SHLD1: variants seen among roughly 807,000 people sequenced by gnomAD.
SHLD1 encodes the protein RINN1-REV7-interacting novel NHEJ regulator 3.
Under a neutral mutation model 5.5 loss-of-function variants are expected in SHLD1, and 3 were observed. The ratio of observed to expected loss-of-function variants is 0.54; its 90% confidence interval spans 0.25 to 1.40. The LOEUF is 1.40. Ranked by LOEUF, SHLD1 falls within the 40% of genes most tolerant of loss-of-function variation. SHLD1 has a pLI of 0.15. For missense variants in SHLD1, 210 were observed against 244.4 expected (o/e 0.86, Z 0.94); for synonymous variants, 92 against 94.3 (o/e 0.98, Z 0.14).
intron 2 of SHLD1, among the ~76,000 whole-genome samples, chr20:5,786,619 T>C (rs6053689): frequency 0.92 from 140,288 of 151,978 alleles, 64,862 homozygotes; most frequent in East Asian, 1. Flanking sequence ...TCTGACCTAC[T>C]TTGTTTGACT....
At chr20:5,761,479 G>A (rs924166740) in intron 1 of SHLD1, among the ~76,000 whole-genome samples, 3 of 151,778 alleles carry the variant, frequency 2.0e-5, no homozygotes, top group Admixed American at 2.0e-4. Flanking sequence ...AAACAGAGGA[G>A]CAAGTGAACT....
intron 2 of SHLD1, among the ~76,000 whole-genome samples, chr20:5,850,240 C>G (rs890790353): frequency 6.6e-5 from 10 of 151,482 alleles, no homozygotes; most frequent in African/African-American, 2.4e-4. Flanking sequence ...TAAGAGCACA[C>G]GTTTATGGAA....
intron 2 of SHLD1, among the ~76,000 whole-genome samples, chr20:5,841,017 A>G (rs2087851717): frequency 6.6e-6 from 1 of 152,106 alleles, no homozygotes; most frequent in Admixed American, 6.5e-5. Context: ...TCATTCATTC[A>G]TTTATTCATT....
intron 1 of SHLD1, among the ~76,000 whole-genome samples, chr20:5,767,934 CAG>C (rs1367763740): frequency 3.3e-5 from 5 of 151,126 alleles, no homozygotes; most frequent in Non-Finnish European, 5.9e-5. Flanking sequence ...GCTGAGACCA[CAG>C]AGTTTGTCCT....
intron 1 of SHLD1, chr20:5,771,754 T>C (rs927450563): frequency 1.6e-5 from 3 of 190,692 alleles, no homozygotes; most frequent in African/African-American, 7.2e-5. Context: ...AACATGAATT[T>C]CTTTTTCCTT....
chr20:5,844,029 G>C (rs2087897529), intron 2 of SHLD1, among the ~76,000 whole-genome samples: 1 of 152,122 alleles, frequency 6.6e-6, no homozygotes, highest in South Asian at 2.1e-4. Flanking sequence ...CTTTTTTCCA[G>C]TTTCTTTGAG....
intron 2 of SHLD1, among the ~76,000 whole-genome samples, chr20:5,825,733 C>T (rs149616166): frequency 1.5e-3 from 228 of 152,302 alleles, no homozygotes; most frequent in African/African-American, 5.1e-3. Context: ...AGAGCAGAAC[C>T]CTGTCTCTAA....
At chr20:5,755,499 T>C (rs1041345147) in intron 1 of SHLD1, among the ~76,000 whole-genome samples, 1 of 152,142 alleles carries the variant, frequency 6.6e-6, no homozygotes. Context: ...TCCATGAAAC[T>C]GGTCCCTGGT....
intron 2 of SHLD1, among the ~76,000 whole-genome samples, chr20:5,853,177 T>C (rs2088033895): frequency 6.6e-6 from 1 of 152,162 alleles, no homozygotes; most frequent in Non-Finnish European, 1.5e-5. Flanking sequence ...ACAAAAATCC[T>C]TGAGTGGGAG....
chr20:5,859,322 C>T (rs1164504492), intron 2 of SHLD1, among the ~76,000 whole-genome samples: 3 of 152,140 alleles, frequency 2.0e-5, no homozygotes, highest in African/African-American at 7.2e-5. Flanking sequence ...GGGAGATGGA[C>T]CATTCTTTGT....
chr20:5,817,432 CTGTG>C (rs1190340129), intron 2 of SHLD1, among the ~76,000 whole-genome samples: 1,412 of 85,328 alleles, frequency 0.017, 22 homozygotes, highest in African/African-American at 0.041. Flanking sequence ...CTCTCTCTCT[CTGTG>C]TGTGTGTGTG....
chr20:5,781,039 G>A (rs1053158087), intron 2 of SHLD1, among the ~76,000 whole-genome samples: 4 of 152,184 alleles, frequency 2.6e-5, no homozygotes, highest in African/African-American at 9.7e-5. Flanking sequence ...ATTCCAGTAT[G>A]AGTATGTAAA....
intron 2 of SHLD1, among the ~76,000 whole-genome samples, chr20:5,786,375 G>A (rs535247275): frequency 2.6e-5 from 4 of 152,242 alleles, no homozygotes; most frequent in African/African-American, 7.2e-5. Context: ...CCAGGAGTTC[G>A]AGACCAGCCT....
chr20:5,789,642 A>G (rs1005456564), intron 2 of SHLD1, among the ~76,000 whole-genome samples: 1 of 152,084 alleles, frequency 6.6e-6, no homozygotes, highest in Non-Finnish European at 1.5e-5. Flanking sequence ...TTGTAATCTA[A>G]TAAGATGGCA....
At chr20:5,772,314 A>T (rs1454484893) in intron 1 of SHLD1, 1 of 361,032 alleles carries the variant, frequency 2.8e-6, no homozygotes, top group Non-Finnish European at 5.6e-6. Flanking sequence ...CTGTGATACC[A>T]CAACAGTCCA....
intron 2 of SHLD1, among the ~76,000 whole-genome samples, chr20:5,778,612 A>T (rs1163901244): frequency 2.0e-5 from 3 of 151,838 alleles, no homozygotes; most frequent in Non-Finnish European, 4.4e-5. Context: ...GTCAAAAAAA[A>T]AAAAAAAAAT....
rs372075211 is a variant in SHLD1 at position 5,763,969 on chromosome 20, AT to A, written c.-4-8892del. Among the ~76,000 whole-genome samples the A allele has an allele frequency of 1.1e-3, 147 of 137,064 alleles. 8 individuals are homozygous for A. The highest frequency in any genetic ancestry group is 3.6e-3 in the Middle Eastern group (1 of 278). The allele number at this position is 137,064 out of a possible 152,430, so 89.9% of individuals were successfully genotyped here. A position where few individuals can be genotyped will look rare whatever the true frequency, so the allele number is the denominator to read the frequency against. On this transcript the variant is annotated intron_variant, in intron 1 of 2. Coordinates refer to ENST00000303142, the MANE Select transcript of SHLD1 (RefSeq NM_152504.4). ...ACTAAAAAAAAAAAAAAAAAAAAAA[AT>A]AGAAAAATCAGCTGGGCATGGTGAC...
At chr20:5,817,064 A>G (rs6139844) in intron 2 of SHLD1, among the ~76,000 whole-genome samples, 23,623 of 152,148 alleles carry the variant, frequency 0.16, 2,108 homozygotes, top group East Asian at 0.3. Context: ...GTGAGACCCT[A>G]TCTCAATAAA....
At chr20:5,761,698 C>A (rs1220645535) in intron 1 of SHLD1, among the ~76,000 whole-genome samples, 1 of 149,668 alleles carries the variant, frequency 6.7e-6, no homozygotes, top group Non-Finnish European at 1.5e-5. Flanking sequence ...ACCTCCGCTT[C>A]CCAGGTTCAA....
Sources: gnomAD v4.1 joint callset for allele counts (sites outside exome capture counted in the v4.1 genomes callset) on GRCh38, gnomAD v4.1.1 for gene constraint, MANE v1.5 for transcripts, NCBI Gene and HGNC (gene_info 2026-07-23, HGNC 2026-07-21) for gene names.